The following KLHL22 variants were observed in gnomAD, a reference collection of about 807,000 sequenced individuals.
KLHL22 encodes kelch-like protein 22.
Under a neutral mutation model 60.7 loss-of-function variants are expected in KLHL22, and 18 were observed. That is an observed-to-expected ratio of 0.30 (90% CI 0.20 to 0.44). KLHL22 has a LOEUF of 0.44. KLHL22 is among the 20% of genes least tolerant of loss of function. KLHL22 has a pLI of 1.00. For missense variants in KLHL22, 596 were observed against 852.3 expected (o/e 0.70, Z 3.74); for synonymous variants, 355 against 354.5 (o/e 1.00, Z -0.01).
intron 3 of KLHL22, among the ~76,000 whole-genome samples, chr22:20,469,801 C>G (rs1487013997): frequency 6.6e-6 from 1 of 151,582 alleles, no homozygotes; most frequent in Non-Finnish European, 1.5e-5. Context: ...TGCGTCAAAC[C>G]TGCTCTCATG....
chr22:20,478,919 A>C lies in KLHL22; in HGVS notation c.228-7404T>G, dbSNP rs549250118. Among the ~76,000 whole-genome samples the C allele has an allele frequency of 4.0e-5, 6 of 151,452 alleles. No individual in the cohort carries two copies. The South Asian group carries it at 6.3e-4, about 16-fold the overall frequency. ...CGAGGTGGGCGGATCACCTGAGGTC[A>C]GGAGTTCGAGACCAACTTGGCCAAC... On this transcript the variant is annotated intron_variant, in intron 2 of 6. Coordinates refer to ENST00000328879, the MANE Select transcript of KLHL22 (RefSeq NM_032775.4).
chr22:20,443,713 G>A (rs1430975731), intron 6 of KLHL22, among the ~76,000 whole-genome samples: 1 of 151,156 alleles, frequency 6.6e-6, no homozygotes, highest in Non-Finnish European at 1.5e-5. Flanking sequence ...CTCCAGCCTG[G>A]CGACAGAGCG....
intron 6 of KLHL22, among the ~76,000 whole-genome samples, chr22:20,443,300 CT>C (rs1234816197): frequency 1.3e-5 from 2 of 152,086 alleles, no homozygotes; most frequent in East Asian, 3.9e-4. Flanking sequence ...CCAGAATATG[CT>C]ACCTTAAGCA....
chr22:20,481,618 G>A (rs1437925477), intron 2 of KLHL22, among the ~76,000 whole-genome samples: 2 of 151,962 alleles, frequency 1.3e-5, no homozygotes, highest in Admixed American at 6.6e-5. Flanking sequence ...TTTTGTAAAC[G>A]GAGTCTTGCT....
In KLHL22 at chr22:20,465,282, C is replaced by A. The variant is rs1352476486; in HGVS notation, c.688G>T (p.Asp230Tyr). Residue 230 changes from aspartate to tyrosine, a missense_variant, in exon 4 of 7, where the codon GAC becomes TAC. Physicochemically the swap from Asp to Tyr is radical, Grantham distance 160. Transcript: ENST00000328879. This position sits in a 1 kb window ranked among gnomAD's most constrained non-coding sequence, Gnocchi z 4.9. ...YHYSLEQVQA[D>Y]QISLHEPPKL... ...GGGGGCTCGTGCAGCGAGATCTGGT[C>A]AGCCTGCACCTGCTCCAGGCTATAA... The A allele has an allele frequency of 3.1e-6, 5 of 1,614,064 alleles. No homozygotes were observed. The highest frequency in any genetic ancestry group is 4.2e-6 in the Non-Finnish European group (5 of 1,180,018).
chr22:20,461,589 T>C lies in KLHL22; in HGVS notation c.1112+3269A>G, dbSNP rs1056511686. Among the ~76,000 whole-genome samples, 31 of 152,082 alleles carry C rather than the reference T, an allele frequency of 2.0e-4. 1 individual carries two copies. The highest frequency in any genetic ancestry group is 1.7e-3 in the South Asian group (8 of 4,816). The stretch of plus-strand genomic sequence containing the variant: ...AAAAAAAAAAAATTCAGTAGACTGT[T>C]TTTCTTCTATATTTCCATGACTTAA... On this transcript the variant is annotated intron_variant, in intron 4 of 6. Coordinates refer to ENST00000328879, the MANE Select transcript of KLHL22 (RefSeq NM_032775.4).
intron 5 of KLHL22, among the ~76,000 whole-genome samples, chr22:20,449,870 GC>G (rs1309381840): frequency 6.6e-6 from 1 of 152,146 alleles, no homozygotes; most frequent in Non-Finnish European, 1.5e-5. Flanking sequence ...TCCTTGCCTA[GC>G]CCTAGCTAGA....
At chr22:20,447,067 A>G (rs1372797177) in intron 5 of KLHL22, among the ~76,000 whole-genome samples, 1 of 151,964 alleles carries the variant, frequency 6.6e-6, no homozygotes, top group African/African-American at 2.4e-5. Context: ...CCCCACTCCC[A>G]CTGGACATGC....
chr22:20,475,906 A>G (rs1463316072), intron 2 of KLHL22, among the ~76,000 whole-genome samples: 1 of 152,188 alleles, frequency 6.6e-6, no homozygotes, highest in Non-Finnish European at 1.5e-5. Flanking sequence ...TAGGACAGGA[A>G]TAGTCTCCTT....
Position 20,441,711 on chromosome 22 carries a change from A to T in KLHL22, c.*362T>A. 1 of 216,506 alleles carries T rather than the reference A, an allele frequency of 4.6e-6. No homozygotes were observed. The highest frequency in any genetic ancestry group is 9.9e-6 in the Non-Finnish European group (1 of 100,882). The allele number at this position is 216,506 out of a possible 1,614,324, so 13.4% of individuals were successfully genotyped here. A position where few individuals can be genotyped will look rare whatever the true frequency, so the allele number is the denominator to read the frequency against. Reference sequence around the variant, plus strand: ...ACAGCCCCACCCCATTCACAGAAAGAGGGCTACCACGTGCCTCAGCCCCCC... The same window carrying T: ...ACAGCCCCACCCCATTCACAGAAAGTGGGCTACCACGTGCCTCAGCCCCCC... On this transcript the variant is annotated 3_prime_UTR_variant, in exon 7 of 7. Transcript: ENST00000328879.
chr22:20,469,772 TGA>T lies in KLHL22; in HGVS notation c.393+1576_393+1577del, dbSNP rs1355841761. Among the ~76,000 whole-genome samples the T allele has an allele frequency of 6.1e-3, 117 of 19,324 alleles. 1 individual carries two copies. The highest frequency in any genetic ancestry group is 7.8e-4 in the Admixed American group (1 of 1,286). 12.7% of individuals were successfully genotyped at this position (19,324 alleles called of 152,430 possible). A position where few individuals can be genotyped will look rare whatever the true frequency, so the allele number is the denominator to read the frequency against. ...CGAACAGGTTGGTTTTCCTGTGACTTGAGTTGTTTTTTTTTAATTGCGTCAAA... is the reference window on the plus strand; with the variant it reads ...CGAACAGGTTGGTTTTCCTGTGACTTGTTGTTTTTTTTTAATTGCGTCAAA... On this transcript the variant is annotated intron_variant, in intron 3 of 6. Transcript: ENST00000328879.
Position 20,477,381 on chromosome 22 carries a change from CAAAAGA to C in KLHL22, c.228-5872_228-5867del, listed in dbSNP as rs531067334. Reference sequence around the variant, plus strand: ...TCTGTGACAGAGCAACACTGTGCCTCAAAAGAAAAAGAAAAAGAAGGGAAAAAAAAA... The same window carrying C: ...TCTGTGACAGAGCAACACTGTGCCTCAAAAGAAAAAGAAGGGAAAAAAAAA... On this transcript the variant is annotated intron_variant, in intron 2 of 6. Coordinates refer to ENST00000328879, the MANE Select transcript of KLHL22 (RefSeq NM_032775.4). 1.3e-4 allele frequency among the ~76,000 whole-genome samples: 20 copies of C among 148,956 alleles called. 1 individual carries two copies. In the South Asian group the frequency reaches 4.0e-3, roughly 30 times the overall value.
intron 4 of KLHL22, among the ~76,000 whole-genome samples, chr22:20,463,237 GTGA>G (rs1273559297): frequency 6.6e-6 from 1 of 152,186 alleles, no homozygotes; most frequent in African/African-American, 2.4e-5. Flanking sequence ...ACTTGCCATT[GTGA>G]TCCTACTCTC....
chr22:20,483,526 A>C lies in KLHL22; in HGVS notation c.227+5459T>G, dbSNP rs1486972078. The C allele has an allele frequency of 6.9e-6, 5 of 726,056 alleles. No individual in the cohort carries two copies. In the African/African-American group the frequency reaches 8.7e-5, roughly 13 times the overall value. The allele number at this position is 726,056 out of a possible 1,614,324, so 45.0% of individuals were successfully genotyped here. On this transcript the variant is annotated intron_variant, in intron 2 of 6. Coordinates refer to ENST00000328879, the MANE Select transcript of KLHL22 (RefSeq NM_032775.4). The stretch of plus-strand genomic sequence containing the variant: ...CTCTGTCTCCAGCTACAGCTGAGGG[A>C]CATTGGTGTCATCAATCACTTTGCG...
At chr22:20,471,637 A>AG in intron 2 of KLHL22, 122 bp from the exon 3 acceptor site, 6 of 981,766 alleles carry the variant, frequency 6.1e-6, no homozygotes, top group African/African-American at 1.6e-5. Context: ...TAGTGGGCTG[A>AG]CCCACTCTGT....
At chr22:20,490,897 G>A (rs767098076) in intron 1 of KLHL22, among the ~76,000 whole-genome samples, 2 of 152,108 alleles carry the variant, frequency 1.3e-5, no homozygotes, top group Non-Finnish European at 2.9e-5. Flanking sequence ...TCTGAGGCCT[G>A]GGGGTTGCGG....
At chr22:20,457,753 C>T (rs2053085406) in intron 5 of KLHL22, 55 bp downstream of exon 5, 4 of 1,416,554 alleles carry the variant, frequency 2.8e-6, no homozygotes, top group East Asian at 4.9e-5. Context: ...ACTCTTTGCA[C>T]ATCCTGGGGA....
chr22:20,479,652 T>C (rs1473419822), intron 2 of KLHL22, among the ~76,000 whole-genome samples: 2 of 152,054 alleles, frequency 1.3e-5, no homozygotes, highest in Non-Finnish European at 2.9e-5. Flanking sequence ...GCCATGATGG[T>C]GCCCCTGAAC....
intron 5 of KLHL22, chr22:20,450,482 G>T (rs1215513521): frequency 1.2e-6 from 2 of 1,613,706 alleles, no homozygotes; most frequent in African/African-American, 2.7e-5. Context: ...AAACAAGCCT[G>T]CTGTGAGTTC....
Sources: gnomAD v4.1 joint callset for allele counts (sites outside exome capture counted in the v4.1 genomes callset) on GRCh38, gnomAD v4.1.1 for gene constraint, Gnocchi (gnomAD v3.1) non-coding constraint, MANE v1.5 for transcripts, NCBI Gene and HGNC (gene_info 2026-07-23, HGNC 2026-07-21) for gene names.